ZFHX2: variants seen among roughly 807,000 people sequenced by gnomAD.
The protein encoded by ZFHX2 is zinc finger homeobox 2, also known as zinc finger homeobox protein 2.
A neutral mutation model predicts 164.8 loss-of-function variants in ZFHX2; 75 were observed. The ratio of observed to expected loss-of-function variants is 0.46; its 90% confidence interval spans 0.38 to 0.55. The LOEUF is 0.55. ZFHX2 is among the 20% of genes least tolerant of loss of function. The pLI, the probability that ZFHX2 is intolerant of heterozygous loss-of-function variation, is 0.00. For missense variants in ZFHX2, 2,933 were observed against 3,308.0 expected (o/e 0.89, Z 2.78); for synonymous variants, 1,217 against 1,351.4 (o/e 0.90, Z 2.18).
At chr14:23,550,872 G>A (rs1439520888) in intron 1 of ZFHX2, among the ~76,000 whole-genome samples, 1 of 151,798 alleles carries the variant, frequency 6.6e-6, no homozygotes, top group Non-Finnish European at 1.5e-5. Context: ...CCCGCCGGCC[G>A]CGGTTCTCCC....
At position 23,522,614 on chromosome 14, in the gene ZFHX2, G is replaced by A; in HGVS notation, c.7067C>T (p.Thr2356Ile). ...GGGGCCAAAGACAGCTGGCGGTGCT[G>A]TTCCCCCAGCAGGGGGCAATGGAAA... ...LPFPLPPAGG[T>I]APPAVFGPQL... Residue 2356 changes from threonine to isoleucine, a missense_variant, in exon 10 of 10, where the codon ACA becomes ATA. Transcript: ENST00000419474. The A allele has an allele frequency of 6.5e-7, 1 of 1,532,662 alleles. No homozygotes were observed. Among genetic ancestry groups the A allele is most frequent in the Non-Finnish European group, 8.7e-7 (1 of 1,144,478 alleles). 94.9% of individuals were successfully genotyped at this position (1,532,662 alleles called of 1,614,324 possible). A position where few individuals can be genotyped will look rare whatever the true frequency, so the allele number is the denominator to read the frequency against.
In ZFHX2 at chr14:23,525,900, A is replaced by G. The variant is rs939847854; in HGVS notation, c.4042T>C (p.Phe1348Leu). Reference protein sequence around the residue: ...PLFTPPVLPPFPLVPESLLKL... With the variant: ...PLFTPPVLPPLPLVPESLLKL... ...AGCAGTGATTCGGGCACCAGAGGGA[A>G]GGGGGGCAGGACTGGTGGGGTGAAG... Residue 1348 changes from phenylalanine to leucine, a missense_variant, in exon 9 of 10, where the codon TTC (phenylalanine) becomes CTC (leucine). Transcript: ENST00000419474. This position sits in a 1 kb window ranked among gnomAD's most constrained non-coding sequence, Gnocchi z 5.9. The G allele has an allele frequency of 2.9e-6, 4 of 1,364,442 alleles. No homozygotes were observed. The highest frequency in any genetic ancestry group is 3.8e-6 in the Non-Finnish European group (4 of 1,063,896). 84.5% of individuals were successfully genotyped at this position (1,364,442 alleles called of 1,614,324 possible). A position where few individuals can be genotyped will look rare whatever the true frequency, so the allele number is the denominator to read the frequency against.
chr14:23,541,620 TCAC>T (rs1294651958), intron 1 of ZFHX2, among the ~76,000 whole-genome samples: 1 of 152,184 alleles, frequency 6.6e-6, no homozygotes, highest in Non-Finnish European at 1.5e-5. Context: ...GCCATAGAGT[TCAC>T]TTCTTAGCCC....
Position 23,522,089 on chromosome 14 carries a change from G to A in ZFHX2, c.7592C>T (p.Pro2531Leu). ...AGTGGCGGCGTTGGTGATGGAGATG[G>A]GTGGGCCCCCTTGAGGTGGGGCTGC... ...RKAAPPQGGP[P>L]ISITNAATAA... The change falls in exon 10 of 10, where the codon CCC (proline) becomes CTC (leucine). Residue 2531 changes from proline to leucine, a missense_variant. Transcript: ENST00000419474. 6.5e-7 allele frequency: 1 copy of A among 1,536,104 alleles called. No individual in the cohort carries two copies.
chr14:23,526,125 G>T lies in ZFHX2; in HGVS notation c.3817C>A (p.Gln1273Lys). 6.5e-7 allele frequency: 1 copy of T among 1,536,536 alleles called. No individual in the cohort carries two copies. The highest frequency in any genetic ancestry group is 8.7e-7 in the Non-Finnish European group (1 of 1,146,946). Residue 1273 changes from glutamine (Q) to lysine (K), a missense_variant, in exon 9 of 10, where the codon CAG becomes AAG. By Grantham distance (53) the Gln-to-Lys change is moderately conservative. Transcript: ENST00000419474. The stretch of plus-strand genomic sequence containing the variant: ...GTCTTGGTTCCCCGAGAGCGAGTCT[G>T]ATGCAGAACTGACCGCATGTGGATC... The part of the protein sequence containing the change: ...LEIHMRSVLH[Q>K]TRSRGTKTDS...
In ZFHX2 at chr14:23,523,227, C is replaced by A; in HGVS notation, c.6715G>T (p.Gly2239Cys). The A allele has an allele frequency of 7.0e-7, 1 of 1,430,790 alleles. No individual in the cohort carries two copies. The highest frequency in any genetic ancestry group is 9.1e-7 in the Non-Finnish European group (1 of 1,096,674). The allele number at this position is 1,430,790 out of a possible 1,614,324, so 88.6% of individuals were successfully genotyped here. A position where few individuals can be genotyped will look rare whatever the true frequency, so the allele number is the denominator to read the frequency against. Residue 2239 changes from glycine (G) to cysteine (C), a missense_variant, in exon 9 of 10, where the codon GGC (glycine) becomes TGC (cysteine). By Grantham distance (159) the Gly-to-Cys change is radical. Coordinates refer to ENST00000419474, the MANE Select transcript of ZFHX2 (RefSeq NM_033400.3). This position sits in a 1 kb window ranked among gnomAD's most constrained non-coding sequence, Gnocchi z 4.1. Reference sequence around the variant, plus strand: ...CCTGAATTGAAAGGAGCTAAGTTGCCCAGCGGGGGCTGAGCCAGAGCTGGG... The same window carrying A: ...CCTGAATTGAAAGGAGCTAAGTTGCACAGCGGGGGCTGAGCCAGAGCTGGG... ...SGPALAQPPL[G>C]NLAPFNSGPA...
intron 1 of ZFHX2, chr14:23,538,052 C>T (rs1455189480): frequency 1.3e-5 from 2 of 152,368 alleles, no homozygotes; most frequent in African/African-American, 4.8e-5. Context: ...CTAGGCAGAC[C>T]TAAGCCCCAA....
At chr14:23,545,923 C>G (rs1050031314) in intron 1 of ZFHX2, among the ~76,000 whole-genome samples, 4 of 152,234 alleles carry the variant, frequency 2.6e-5, no homozygotes, top group Non-Finnish European at 5.9e-5. Flanking sequence ...GAAACACAAT[C>G]TAACACTCTT....
At chr14:23,536,538 ATAAG>A (rs1880161743) in intron 1 of ZFHX2, among the ~76,000 whole-genome samples, 1 of 152,196 alleles carries the variant, frequency 6.6e-6, no homozygotes, top group Non-Finnish European at 1.5e-5. Flanking sequence ...GTAACAAATA[ATAAG>A]TAATAGTAAT....
intron 1 of ZFHX2, among the ~76,000 whole-genome samples, chr14:23,540,537 G>A (rs886312294): frequency 3.9e-5 from 6 of 152,208 alleles, no homozygotes; most frequent in African/African-American, 1.4e-4. Flanking sequence ...CCCTAGTATG[G>A]AGGATTGTTT....
In ZFHX2 at chr14:23,521,879, G is replaced by A; in HGVS notation, c.*83C>T. ...GGGCGGGGCCAGGGGGTGGGGTGAG[G>A]GATTTGAGCTCCCACCGAACACCCC... On this transcript the variant is annotated 3_prime_UTR_variant, in exon 10 of 10. Transcript: ENST00000419474. The A allele has an allele frequency of 2.0e-6, 3 of 1,509,650 alleles. No individual in the cohort carries two copies. Among genetic ancestry groups the A allele is most frequent in the South Asian group, 1.3e-5 (1 of 78,986 alleles). 93.5% of individuals were successfully genotyped at this position (1,509,650 alleles called of 1,614,324 possible).
In ZFHX2 at chr14:23,532,898, C is replaced by T. The variant is rs747854631; in HGVS notation, c.2228G>A (p.Arg743Gln). The T allele has an allele frequency of 3.1e-5, 47 of 1,536,082 alleles. No individual in the cohort carries two copies. Among genetic ancestry groups the T allele is most frequent in the South Asian group, 3.6e-5 (3 of 84,066 alleles). ...ELLLYHCSIG[R>Q]SLPEAEWKEV... The stretch of plus-strand genomic sequence containing the variant: ...CTTCCATTCAGCTTCCGGGAGGCTC[C>T]GGCCTATGCTGCAGTGGTAGAGCAG... The change falls in exon 3 of 10, where the codon CGG becomes CAG. Residue 743 changes from arginine (R) to glutamine (Q), a missense_variant. Arg to Gln is a conservative substitution (Grantham distance 43). Coordinates refer to ENST00000419474, the MANE Select transcript of ZFHX2 (RefSeq NM_033400.3).
Position 23,533,261 on chromosome 14 carries a change from G to A in ZFHX2, c.2041+24C>T, listed in dbSNP as rs932154967. 6.3e-6 allele frequency: 9 copies of A among 1,435,812 alleles called. No individual in the cohort carries two copies. Among genetic ancestry groups the A allele is most frequent in the Non-Finnish European group, 8.2e-6 (9 of 1,099,592 alleles). The allele number at this position is 1,435,812 out of a possible 1,614,324, so 88.9% of individuals were successfully genotyped here. A position where few individuals can be genotyped will look rare whatever the true frequency, so the allele number is the denominator to read the frequency against. ...GAGTTTGGCCCTGGGGAGGAGAGAAGAGGGAAGAAGCACAGAAGCTTACCG... is the reference window on the plus strand; with the variant it reads ...GAGTTTGGCCCTGGGGAGGAGAGAAAAGGGAAGAAGCACAGAAGCTTACCG... On this transcript the variant is annotated intron_variant, in intron 2 of 9. Transcript: ENST00000419474. This position sits in a 1 kb window ranked among gnomAD's most constrained non-coding sequence, Gnocchi z 4.8.
upstream of ZFHX2, among the ~76,000 whole-genome samples, chr14:23,554,897 C>A (rs1002668583): frequency 1.4e-4 from 21 of 152,182 alleles, no homozygotes; most frequent in Admixed American, 3.3e-4. Context: ...CTCCAGATAA[C>A]CATAGTCCTC....
intron 1 of ZFHX2, among the ~76,000 whole-genome samples, chr14:23,544,734 C>G (rs1881202864): frequency 6.6e-6 from 1 of 152,196 alleles, no homozygotes; most frequent in African/African-American, 2.4e-5. Context: ...TCTAATGGCG[C>G]TAACCTCATT....
At position 23,521,790 on chromosome 14, in the gene ZFHX2, A is replaced by T; in HGVS notation, c.*172T>A. ...TCTGTGGGGATTGGGAGGAGGCAGG[A>T]CTCTGCTGGAAGTGGGGTGTGTGGT... On this transcript the variant is annotated 3_prime_UTR_variant, in exon 10 of 10. Transcript: ENST00000419474. 8.6e-7 allele frequency: 1 copy of T among 1,169,486 alleles called. No homozygotes were observed. Among genetic ancestry groups the T allele is most frequent in the Admixed American group, 2.9e-5 (1 of 34,008 alleles). The allele number at this position is 1,169,486 out of a possible 1,614,324, so 72.4% of individuals were successfully genotyped here. A position where few individuals can be genotyped will look rare whatever the true frequency, so the allele number is the denominator to read the frequency against.
chr14:23,547,762 C>T (rs1595193736), intron 1 of ZFHX2, among the ~76,000 whole-genome samples: 1 of 152,288 alleles, frequency 6.6e-6, no homozygotes, highest in East Asian at 1.9e-4. Flanking sequence ...GCAACTCTTT[C>T]CCCCAGCCTC....
In ZFHX2 at chr14:23,526,842, C is replaced by G; in HGVS notation, c.3262+5G>C. On this transcript the variant is annotated splice_donor_5th_base_variant and intron_variant, in intron 8 of 9. Coordinates refer to ENST00000419474, the MANE Select transcript of ZFHX2 (RefSeq NM_033400.3). ...CCTTGGGAGGTTTGCTGTTCCATTC[C>G]TTACCTGCTGCCTGGTCTCTGCTCG... 6.5e-7 allele frequency: 1 copy of G among 1,527,736 alleles called. No homozygotes were observed. The highest frequency in any genetic ancestry group is 2.4e-5 in the East Asian group (1 of 40,846). The allele number at this position is 1,527,736 out of a possible 1,614,324, so 94.6% of individuals were successfully genotyped here. A position where few individuals can be genotyped will look rare whatever the true frequency, so the allele number is the denominator to read the frequency against.
intron 4 of ZFHX2, chr14:23,530,496 A>T (rs1012125472): frequency 5.1e-6 from 3 of 585,898 alleles, no homozygotes; most frequent in Non-Finnish European, 9.5e-6. Flanking sequence ...TCCCTGTCTT[A>T]AATGACCCAG....
Sources: allele counts gnomAD v4.1 joint callset (sites outside exome capture counted in the v4.1 genomes callset), GRCh38; gene constraint gnomAD v4.1.1; non-coding constraint Gnocchi (gnomAD v3.1); transcripts MANE v1.5; gene names NCBI Gene and HGNC (gene_info 2026-07-23, HGNC 2026-07-21).